Variants in CLDN4 observed in about 807,000 individuals in gnomAD.
CLDN4 encodes the protein claudin 4.
A neutral mutation model predicts 13.7 loss-of-function variants in CLDN4; 12 were observed. That is an observed-to-expected ratio of 0.88 (90% CI 0.56 to 1.42). The LOEUF (loss-of-function observed/expected upper bound fraction) is 1.42, where lower values mean the gene tolerates loss of function less well. Ranked by LOEUF, CLDN4 falls within the 40% of genes most tolerant of loss-of-function variation. The pLI is 0.00. For synonymous variants in CLDN4, 152 were observed against 140.6 expected, an observed-to-expected ratio of 1.08 and a Z score of -0.57; for missense variants, 252 against 297.4, an observed-to-expected ratio of 0.85 and a Z score of 1.12.
At position 73,831,031 on chromosome 7, in the gene CLDN4, G is replaced by C. The variant is rs1203686439; in HGVS notation, c.-171G>C. 4.0e-6 allele frequency: 3 copies of C among 744,680 alleles called. No homozygotes were observed. The highest frequency in any genetic ancestry group is 2.7e-5 in the East Asian group (1 of 36,582). The allele number at this position is 744,680 out of a possible 1,614,324, so 46.1% of individuals were successfully genotyped here. A position where few individuals can be genotyped will look rare whatever the true frequency, so the allele number is the denominator to read the frequency against. On this transcript the variant is annotated 5_prime_UTR_variant, in exon 1 of 1. Coordinates refer to ENST00000340958, the MANE Select transcript of CLDN4 (RefSeq NM_001305.5). ...GGCAGCTGTCGGCTGGAAGGAACTG[G>C]TCTGCTCACACTTGCTGGCTTGCGC... is the stretch of plus-strand genomic sequence containing the variant.
Position 73,831,180 on chromosome 7 carries a change from C to T in CLDN4, c.-22C>T, listed in dbSNP as rs1477300869. 2.4e-5 allele frequency: 37 copies of T among 1,529,914 alleles called. No homozygotes were observed. In the East Asian group the frequency reaches 8.4e-4, roughly 35 times the overall value. 94.8% of individuals were successfully genotyped at this position (1,529,914 alleles called of 1,614,324 possible). A position where few individuals can be genotyped will look rare whatever the true frequency, so the allele number is the denominator to read the frequency against. Reference sequence around the variant, plus strand: ...GGATCCCCTCAGCCTTCCAGGTCCTCAACTCCCGTGGACGCTGAACAATGG... The same window carrying T: ...GGATCCCCTCAGCCTTCCAGGTCCTTAACTCCCGTGGACGCTGAACAATGG... On this transcript the variant is annotated 5_prime_UTR_variant, in exon 1 of 1. Coordinates refer to ENST00000340958, the MANE Select transcript of CLDN4 (RefSeq NM_001305.5).
In CLDN4 at chr7:73,832,671, G is replaced by A. The variant is rs1266838771; in HGVS notation, c.*840G>A. 6.3e-6 allele frequency: 1 copy of A among 159,634 alleles called. No homozygotes were observed. The highest frequency in any genetic ancestry group is 7.2e-5 in the Admixed American group (1 of 13,978). The allele number at this position is 159,634 out of a possible 1,614,324, so 9.9% of individuals were successfully genotyped here. A position where few individuals can be genotyped will look rare whatever the true frequency, so the allele number is the denominator to read the frequency against. Reference sequence around the variant, plus strand: ...TATTATTATTTTCTACAATAAATGGGACCTGTGCACAGGAGGAAATTTTAT... The same window carrying A: ...TATTATTATTTTCTACAATAAATGGAACCTGTGCACAGGAGGAAATTTTAT... On this transcript the variant is annotated 3_prime_UTR_variant, in exon 1 of 1. Transcript: ENST00000340958.
chr7:73,832,107 G>T lies in CLDN4; in HGVS notation c.*276G>T. 2 of 452,972 alleles carry T rather than the reference G, an allele frequency of 4.4e-6. No homozygotes were observed. The highest frequency in any genetic ancestry group is 5.9e-4 in the Middle Eastern group (1 of 1,702). 28.1% of individuals were successfully genotyped at this position (452,972 alleles called of 1,614,324 possible). ...TGACAGGGTGTGGTGGTGGAGTGGGGAGCTGGCTTCTGCTGGCCAGGATAG... is the reference window on the plus strand; with the variant it reads ...TGACAGGGTGTGGTGGTGGAGTGGGTAGCTGGCTTCTGCTGGCCAGGATAG... On this transcript the variant is annotated 3_prime_UTR_variant, in exon 1 of 1. Transcript: ENST00000340958.
rs1554634199 is a variant in CLDN4 at position 73,831,800 on chromosome 7, C to T, written c.599C>T (p.Ala200Val). 1 of 1,578,052 alleles carries T rather than the reference C, an allele frequency of 6.3e-7. No homozygotes were observed. The highest frequency in any genetic ancestry group is 1.2e-5 in the South Asian group (1 of 84,644). Residue 200 changes from alanine (A) to valine (V), a missense_variant, in exon 1 of 1, where the codon GCC becomes GTC. Transcript: ENST00000340958. ...DKPYSAKYSA[A>V]RSAAASNYV ...CCTTACTCCGCCAAGTATTCTGCTG[C>T]CCGCTCTGCTGCTGCCAGCAACTAC...
chr7:73,831,379 G>C lies in CLDN4; in HGVS notation c.178G>C (p.Gly60Arg). Residue 60 changes from glycine (G) to arginine (R), a missense_variant, in exon 1 of 1, where the codon GGC becomes CGC. Gly to Arg is a moderately radical substitution (Grantham distance 125). Transcript: ENST00000340958. The stretch of plus-strand genomic sequence containing the variant: ...GATGAACTGCGTGGTGCAGAGCACC[G>C]GCCAGATGCAGTGCAAGGTGTACGA... ...LWMNCVVQST[G>R]QMQCKVYDSL... 1 of 1,614,074 alleles carries C rather than the reference G, an allele frequency of 6.2e-7. No homozygotes were observed. The highest frequency in any genetic ancestry group is 8.5e-7 in the Non-Finnish European group (1 of 1,179,964).
Position 73,831,368 on chromosome 7 carries a change from T to C in CLDN4, c.167T>C (p.Val56Ala). The change falls in exon 1 of 1, where the codon GTG becomes GCG. Residue 56 changes from valine (V) to alanine (A), a missense_variant. Val to Ala is a moderately conservative substitution (Grantham distance 64). Transcript: ENST00000340958. ...GAGGGCCTATGGATGAACTGCGTGG[T>C]GCAGAGCACCGGCCAGATGCAGTGC... Reference protein sequence around the residue: ...IWEGLWMNCVVQSTGQMQCKV... With the variant: ...IWEGLWMNCVAQSTGQMQCKV... The C allele has an allele frequency of 1.2e-6, 2 of 1,614,022 alleles. No individual in the cohort carries two copies. The highest frequency in any genetic ancestry group is 2.2e-5 in the South Asian group (2 of 91,080).
Position 73,831,089 on chromosome 7 carries a change from G to A in CLDN4, c.-113G>A. 7.6e-7 allele frequency: 1 copy of A among 1,319,020 alleles called. No individual in the cohort carries two copies. Among genetic ancestry groups the A allele is most frequent in the Non-Finnish European group, 1.0e-6 (1 of 968,388 alleles). 81.7% of individuals were successfully genotyped at this position (1,319,020 alleles called of 1,614,324 possible). A position where few individuals can be genotyped will look rare whatever the true frequency, so the allele number is the denominator to read the frequency against. ...CTGGCTTTATCTCCTGACTCACGGT[G>A]CAAAGGTGCACTCTGCGAACGTTAA... On this transcript the variant is annotated 5_prime_UTR_variant, in exon 1 of 1. Coordinates refer to ENST00000340958, the MANE Select transcript of CLDN4 (RefSeq NM_001305.5).
Position 73,831,689 on chromosome 7 carries a change from C to T in CLDN4, c.488C>T (p.Ser163Leu), listed in dbSNP as rs200176069. ...ASGQKREMGA[S>L]LYVGWAASGL... ...GGGCAGAAGCGGGAGATGGGTGCCT[C>T]GCTCTACGTCGGCTGGGCCGCCTCC... The change falls in exon 1 of 1, where the codon TCG becomes TTG. Residue 163 changes from serine to leucine, a missense_variant. By Grantham distance (145) the Ser-to-Leu change is moderately radical. Coordinates refer to ENST00000340958, the MANE Select transcript of CLDN4 (RefSeq NM_001305.5). The T allele has an allele frequency of 1.8e-5, 29 of 1,614,008 alleles. No homozygotes were observed. The highest frequency in any genetic ancestry group is 2.4e-5 in the Non-Finnish European group (28 of 1,180,028).
Position 73,831,257 on chromosome 7 carries a change from T to TGGCC in CLDN4, c.58_61dup (p.Val21GlyfsTer92). Reference sequence around the variant, plus strand: ...ATCGCGCTGGCCGTCCTGGGCTGGCTGGCCGTCATGCTGTGCTGCGCGCTG... The same window carrying TGGCC: ...ATCGCGCTGGCCGTCCTGGGCTGGCTGGCCGGCCGTCATGCTGTGCTGCGCGCTG... On this transcript the variant is annotated frameshift_variant, in exon 1 of 1. Coordinates refer to ENST00000340958, the MANE Select transcript of CLDN4 (RefSeq NM_001305.5). LOFTEE classifies it high-confidence loss of function. 2 of 1,605,614 alleles carry TGGCC rather than the reference T, an allele frequency of 1.2e-6. No homozygotes were observed. Among genetic ancestry groups the TGGCC allele is most frequent in the Non-Finnish European group, 1.7e-6 (2 of 1,174,406 alleles).
Position 73,831,254 on chromosome 7 carries a change from G to A in CLDN4, c.53G>A (p.Trp18Ter). ...GGCATCGCGCTGGCCGTCCTGGGCTGGCTGGCCGTCATGCTGTGCTGCGCG... is the reference window on the plus strand; with the variant it reads ...GGCATCGCGCTGGCCGTCCTGGGCTAGCTGGCCGTCATGCTGTGCTGCGCG... The part of the protein sequence containing the change: ...VMGIALAVLG[W>*]LAVMLCCALP... The change falls in exon 1 of 1, where the codon TGG becomes TAG. Residue 18 changes from tryptophan (W) to a stop codon, truncating the protein, a stop_gained. Coordinates refer to ENST00000340958, the MANE Select transcript of CLDN4 (RefSeq NM_001305.5). LOFTEE classifies it high-confidence loss of function. The A allele has an allele frequency of 6.2e-7, 1 of 1,604,030 alleles. No homozygotes were observed. Among genetic ancestry groups the A allele is most frequent in the Non-Finnish European group, 8.5e-7 (1 of 1,173,314 alleles).
Position 73,831,544 on chromosome 7 carries a change from G to C in CLDN4, c.343G>C (p.Ala115Pro), listed in dbSNP as rs781882770. 6.2e-7 allele frequency: 1 copy of C among 1,614,214 alleles called. No individual in the cohort carries two copies. Among genetic ancestry groups the C allele is most frequent in the South Asian group, 1.1e-5 (1 of 91,086 alleles). ...TNCLEDESAK[A>P]KTMIVAGVVF... is the part of the protein sequence containing the mutation. ...CTGCCTGGAGGATGAAAGCGCCAAG[G>C]CCAAGACCATGATCGTGGCGGGCGT... Residue 115 changes from alanine to proline, a missense_variant, in exon 1 of 1, where the codon GCC (alanine) becomes CCC (proline). Physicochemically the swap from Ala to Pro is conservative, Grantham distance 27. Coordinates refer to ENST00000340958, the MANE Select transcript of CLDN4 (RefSeq NM_001305.5).
Position 73,831,699 on chromosome 7 carries a change from C to T in CLDN4, c.498C>T (p.Val166=), listed in dbSNP as rs139694614. 232 of 1,614,056 alleles carry T rather than the reference C, an allele frequency of 1.4e-4. 2 individuals are homozygous for T. In the East Asian group the frequency reaches 2.9e-3, roughly 20 times the overall value. ...GGGAGATGGGTGCCTCGCTCTACGT[C>T]GGCTGGGCCGCCTCCGGCCTGCTGC... ...QKREMGASLY[V]GWAASGLLLL... Residue 166 remains valine (V), a synonymous_variant, in exon 1 of 1, where the codon GTC becomes GTT. Coordinates refer to ENST00000340958, the MANE Select transcript of CLDN4 (RefSeq NM_001305.5).
In CLDN4 at chr7:73,831,760, C is replaced by A. The variant is rs782479124; in HGVS notation, c.559C>A (p.Pro187Thr). Reference sequence around the variant, plus strand: ...GGGGCTGCTTTGCTGCAACTGTCCACCCCGCACAGACAAGCCTTACTCCGC... The same window carrying A: ...GGGGCTGCTTTGCTGCAACTGTCCAACCCGCACAGACAAGCCTTACTCCGC... ...GGGLLCCNCP[P>T]RTDKPYSAKY... Residue 187 changes from proline (P) to threonine (T), a missense_variant, in exon 1 of 1, where the codon CCC (proline) becomes ACC (threonine). Physicochemically the swap from Pro to Thr is conservative, Grantham distance 38 (BLOSUM62 -1). Coordinates refer to ENST00000340958, the MANE Select transcript of CLDN4 (RefSeq NM_001305.5). The A allele has an allele frequency of 3.1e-6, 5 of 1,608,290 alleles. No homozygotes were observed. The South Asian group carries it at 5.5e-5, about 18-fold the overall frequency.
Position 73,832,048 on chromosome 7 carries a change from C to A in CLDN4, c.*217C>A. 1 of 555,300 alleles carries A rather than the reference C, an allele frequency of 1.8e-6. No homozygotes were observed. Among genetic ancestry groups the A allele is most frequent in the Non-Finnish European group, 3.2e-6 (1 of 315,278 alleles). 34.4% of individuals were successfully genotyped at this position (555,300 alleles called of 1,614,324 possible). A position where few individuals can be genotyped will look rare whatever the true frequency, so the allele number is the denominator to read the frequency against. On this transcript the variant is annotated 3_prime_UTR_variant, in exon 1 of 1. Transcript: ENST00000340958. The stretch of plus-strand genomic sequence containing the variant: ...CGCCTCCTGCTAGCAAGAACAGAGT[C>A]CACCCTCCTCTGGATATTGGGGAGG...
rs936222626 is a variant in CLDN4, at chr7:73,832,203, G to C, written c.*372G>C. ...TCCCCATTTACATTTTCCCCACTCT[G>C]TCTGCCTGCATCTCCTCTGTTCCGG... is the stretch of plus-strand genomic sequence containing the variant. On this transcript the variant is annotated 3_prime_UTR_variant, in exon 1 of 1. Transcript: ENST00000340958. 3 of 239,362 alleles carry C rather than the reference G, an allele frequency of 1.3e-5. No individual in the cohort carries two copies. Among genetic ancestry groups the C allele is most frequent in the African/African-American group, 2.3e-5 (1 of 44,042 alleles). 14.8% of individuals were successfully genotyped at this position (239,362 alleles called of 1,614,324 possible).
Position 73,832,097 on chromosome 7 carries a change from G to C in CLDN4, c.*266G>C. ...GGGACGGAAGTGACAGGGTGTGGTG[G>C]TGGAGTGGGGAGCTGGCTTCTGCTG... On this transcript the variant is annotated 3_prime_UTR_variant, in exon 1 of 1. Coordinates refer to ENST00000340958, the MANE Select transcript of CLDN4 (RefSeq NM_001305.5). The C allele has an allele frequency of 2.2e-6, 1 of 460,572 alleles. No individual in the cohort carries two copies. Among genetic ancestry groups the C allele is most frequent in the East Asian group, 3.4e-5 (1 of 29,030 alleles). 28.5% of individuals were successfully genotyped at this position (460,572 alleles called of 1,614,324 possible).
At position 73,831,543 on chromosome 7, in the gene CLDN4, G is replaced by A. The variant is rs782737256; in HGVS notation, c.342G>A (p.Lys114=). The A allele has an allele frequency of 8.1e-6, 13 of 1,614,108 alleles. No individual in the cohort carries two copies. The highest frequency in any genetic ancestry group is 9.3e-6 in the Non-Finnish European group (11 of 1,180,038). The part of the protein sequence containing the change: ...CTNCLEDESA[K]AKTMIVAGVV... ...ACTGCCTGGAGGATGAAAGCGCCAA[G>A]GCCAAGACCATGATCGTGGCGGGCG... The change falls in exon 1 of 1, where the codon AAG becomes AAA. Residue 114 remains lysine, a synonymous_variant. Transcript: ENST00000340958.
chr7:73,831,965 C>A lies in CLDN4; in HGVS notation c.*134C>A. 2 of 1,268,276 alleles carry A rather than the reference C, an allele frequency of 1.6e-6. No homozygotes were observed. Among genetic ancestry groups the A allele is most frequent in the Non-Finnish European group, 2.2e-6 (2 of 920,544 alleles). The allele number at this position is 1,268,276 out of a possible 1,614,324, so 78.6% of individuals were successfully genotyped here. On this transcript the variant is annotated 3_prime_UTR_variant, in exon 1 of 1. Coordinates refer to ENST00000340958, the MANE Select transcript of CLDN4 (RefSeq NM_001305.5). ...ACTGGGGACTGGGCAGAGACTGAGC[C>A]AGGCAGGAAGGCAGCAGCCTTCAGC...
In CLDN4 at chr7:73,831,042, C is replaced by G. The variant is rs1788017219; in HGVS notation, c.-160C>G. On this transcript the variant is annotated 5_prime_UTR_variant, in exon 1 of 1. Transcript: ENST00000340958. ...GCTGGAAGGAACTGGTCTGCTCACACTTGCTGGCTTGCGCATCAGGACTGG... is the reference window on the plus strand; with the variant it reads ...GCTGGAAGGAACTGGTCTGCTCACAGTTGCTGGCTTGCGCATCAGGACTGG... 1.2e-6 allele frequency: 1 copy of G among 858,308 alleles called. No homozygotes were observed. 53.2% of individuals were successfully genotyped at this position (858,308 alleles called of 1,614,324 possible). A position where few individuals can be genotyped will look rare whatever the true frequency, so the allele number is the denominator to read the frequency against.
Sources: allele counts gnomAD v4.1 joint callset, GRCh38; gene constraint gnomAD v4.1.1; transcripts MANE v1.5; gene names NCBI Gene and HGNC (gene_info 2026-07-23, HGNC 2026-07-21).